Variants in TLE1 observed in about 807,000 individuals in gnomAD.
TLE1 encodes the protein TLE family member 1, transcriptional corepressor.
Under a neutral mutation model 89.8 loss-of-function variants are expected in TLE1, and 21 were observed. The ratio of observed to expected loss-of-function variants is 0.23; its 90% CI spans 0.17 to 0.34. The LOEUF (loss-of-function observed/expected upper bound fraction) is 0.34. TLE1 is among the 10% of genes least tolerant of loss of function. The pLI is 1.00. For synonymous variants in TLE1, 447 were observed against 407.6 expected, an observed-to-expected ratio of 1.10 and a Z score of -1.16; for missense variants, 795 against 1,031.2, an observed-to-expected ratio of 0.77 and a Z score of 3.14.
intron 8 of TLE1, among the ~76,000 whole-genome samples, chr9:81,630,507 G>C (rs1826444930): frequency 6.6e-6 from 1 of 152,082 alleles, no homozygotes; most frequent in Non-Finnish European, 1.5e-5. Flanking sequence ...TACCCAGTAA[G>C]TATCAAAAAT....
intron 17 of TLE1, among the ~76,000 whole-genome samples, chr9:81,586,619 T>C (rs545230632): frequency 1.6e-3 from 244 of 152,328 alleles, no homozygotes; most frequent in Non-Finnish European, 2.8e-3. Flanking sequence ...CTAGAGTTTA[T>C]TTTAAAATAA....
At chr9:81,644,657 G>T (rs763687845) in intron 6 of TLE1, among the ~76,000 whole-genome samples, 1 of 152,152 alleles carries the variant, frequency 6.6e-6, no homozygotes. Flanking sequence ...TGGTTGTACA[G>T]CAATGTGAAT....
Position 81,634,218 on chromosome 9 carries a change from A to T in TLE1, c.456T>A (p.Pro152=), listed in dbSNP as rs1046859873. The part of the protein sequence containing the change: ...PLTPHPSGLQ[P]PGIPPLGGSA... Reference sequence around the variant, plus strand: ...TGCCCCCGAGGGGCGGGATTCCAGGAGGCTGAAGTCCCGAAGGGTGAGGCG... The same window carrying T: ...TGCCCCCGAGGGGCGGGATTCCAGGTGGCTGAAGTCCCGAAGGGTGAGGCG... The change falls in exon 7 of 20, where the codon CCT becomes CCA. Residue 152 remains proline, a synonymous_variant. Transcript: ENST00000376499. 8.2e-6 allele frequency: 13 copies of T among 1,589,932 alleles called. No homozygotes were observed. The African/African-American group carries it at 1.6e-4, about 20-fold the overall frequency.
At chr9:81,588,427 C>T (rs1828946236) in intron 16 of TLE1, among the ~76,000 whole-genome samples, 1 of 152,128 alleles carries the variant, frequency 6.6e-6, no homozygotes, top group South Asian at 2.1e-4. Context: ...AATCTGGACT[C>T]CCAGAGACAA....
rs867689996 is a variant in TLE1, at chr9:81,592,215, G to A, written c.1581+810C>T. 4.6e-5 allele frequency among the ~76,000 whole-genome samples: 7 copies of A among 152,168 alleles called. No individual in the cohort carries two copies. The East Asian group carries it at 7.7e-4, about 17-fold the overall frequency. On this transcript the variant is annotated intron_variant, in intron 15 of 19. Transcript: ENST00000376499. ...CTACTAAAAATACAAAAAATTAGCCGGGCGTGGTGGTGGGCGCCCGTAGTC... is the reference window on the plus strand; with the variant it reads ...CTACTAAAAATACAAAAAATTAGCCAGGCGTGGTGGTGGGCGCCCGTAGTC...
chr9:81,683,384 T>C (rs1833863557), intron 4 of TLE1, among the ~76,000 whole-genome samples: 1 of 152,118 alleles, frequency 6.6e-6, no homozygotes, highest in Non-Finnish European at 1.5e-5. Context: ...AGAGAATTCC[T>C]GTCAAATCTA....
intron 14 of TLE1, among the ~76,000 whole-genome samples, chr9:81,603,977 G>C (rs1831300577): frequency 6.6e-6 from 1 of 152,160 alleles, no homozygotes; most frequent in African/African-American, 2.4e-5. Flanking sequence ...ACTCCAGCCT[G>C]GATGACAGAA....
chr9:81,625,722 A>C (rs914829549), intron 8 of TLE1, among the ~76,000 whole-genome samples: 5 of 152,152 alleles, frequency 3.3e-5, no homozygotes, highest in African/African-American at 1.2e-4. Flanking sequence ...CATTCAACAC[A>C]AGTGATGTGT....
chr9:81,594,553 A>T (rs1054868893), intron 14 of TLE1, among the ~76,000 whole-genome samples: 1 of 152,170 alleles, frequency 6.6e-6, no homozygotes, highest in Non-Finnish European at 1.5e-5. Flanking sequence ...TAAAAAAAAA[A>T]AAAATTATGC....
intron 4 of TLE1, among the ~76,000 whole-genome samples, chr9:81,659,917 G>A (rs1830562485): frequency 6.6e-6 from 1 of 152,044 alleles, no homozygotes; most frequent in Non-Finnish European, 1.5e-5. Context: ...AATCCCTCAA[G>A]GCCTGCCTCA....
At chr9:81,679,138 ACT>A (rs1327161756) in intron 4 of TLE1, among the ~76,000 whole-genome samples, 3 of 152,066 alleles carry the variant, frequency 2.0e-5, no homozygotes, top group African/African-American at 4.8e-5. Context: ...ACAGATTAAG[ACT>A]CTATCGCCAT....
intron 8 of TLE1, 57 bp downstream of exon 8, chr9:81,633,287 CCGTG>C: frequency 2.0e-6 from 3 of 1,490,550 alleles, no homozygotes; most frequent in South Asian, 1.2e-5. Context: ...CAGAAGGGGA[CCGTG>C]TGTGTGTGTG....
intron 12 of TLE1, among the ~76,000 whole-genome samples, chr9:81,612,879 G>A (rs541642712): frequency 6.6e-6 from 1 of 152,198 alleles, no homozygotes; most frequent in Non-Finnish European, 1.5e-5. Context: ...CCAACATGGT[G>A]AAACCCCGTC....
intron 17 of TLE1, 48 bp downstream of exon 17, chr9:81,587,633 C>T (rs368921248): frequency 6.4e-7 from 1 of 1,561,792 alleles, no homozygotes; most frequent in Non-Finnish European, 8.7e-7. Flanking sequence ...GGAAGACACA[C>T]CCCAGCCACC....
chr9:81,603,992 A>C lies in TLE1; in HGVS notation c.1331+6228T>G, dbSNP rs897677568. 2.0e-5 allele frequency among the ~76,000 whole-genome samples: 3 copies of C among 152,278 alleles called. No individual in the cohort carries two copies. In the East Asian group the frequency reaches 5.8e-4, roughly 29 times the overall value. On this transcript the variant is annotated intron_variant, in intron 14 of 19. Transcript: ENST00000376499. ...ACTCCAGCCTGGATGACAGAACGAG[A>C]CTTTGTCTCAAAAAAACAAAACAGA...
chr9:81,669,959 G>A (rs1206376711), intron 4 of TLE1, among the ~76,000 whole-genome samples: 1 of 152,084 alleles, frequency 6.6e-6, no homozygotes, highest in Non-Finnish European at 1.5e-5. Context: ...ATTCAATTCA[G>A]GTAAGTGCCA....
At position 81,605,346 on chromosome 9, in the gene TLE1, T is replaced by C. The variant is rs191888592; in HGVS notation, c.1331+4874A>G. Among the ~76,000 whole-genome samples, 53 of 152,248 alleles carry C rather than the reference T, an allele frequency of 3.5e-4. No individual in the cohort carries two copies. In the South Asian group the frequency reaches 4.3e-3, roughly 12 times the overall value. The stretch of plus-strand genomic sequence containing the variant: ...AACCTGAGGACTTAGGGCTGTTGAC[T>C]CTTGTAACAACAAAAAATGGACTTG... On this transcript the variant is annotated intron_variant, in intron 14 of 19. Transcript: ENST00000376499.
chr9:81,654,517 ATT>A (rs1829930676), intron 4 of TLE1, among the ~76,000 whole-genome samples: 1 of 151,780 alleles, frequency 6.6e-6, no homozygotes, highest in Non-Finnish European at 1.5e-5. Flanking sequence ...ATTTTTTTCT[ATT>A]TTTAGTAGAG....
intron 8 of TLE1, among the ~76,000 whole-genome samples, chr9:81,628,802 A>T (rs1588033755): frequency 6.6e-6 from 1 of 152,188 alleles, no homozygotes; most frequent in East Asian, 1.9e-4. Flanking sequence ...CCTTGATAAA[A>T]CCATGGTGCT....
Sources: gnomAD v4.1 joint callset for allele counts (sites outside exome capture counted in the v4.1 genomes callset) on GRCh38, gnomAD v4.1.1 for gene constraint, MANE v1.5 for transcripts, NCBI Gene and HGNC (gene_info 2026-07-23, HGNC 2026-07-21) for gene names.